The following RAB3C variants were observed in gnomAD, a reference collection of about 807,000 sequenced individuals.
The protein encoded by RAB3C is ras-related protein Rab-3C.
In RAB3C, 17 loss-of-function variants were observed where a neutral mutation model predicts 26.4. The ratio of observed to expected loss-of-function variants is 0.64; its 90% confidence interval spans 0.44 to 0.97. The LOEUF (loss-of-function observed/expected upper bound fraction) is 0.97, where lower values mean the gene tolerates loss of function less well. Ranked by LOEUF, RAB3C falls within the 50% of genes least tolerant of loss-of-function variation. The probability of loss-of-function intolerance (pLI) is 0.00; values close to 1 mark genes in which losing one functional copy is unlikely to be tolerated. For synonymous variants in RAB3C, 91 were observed against 95.9 expected, an observed-to-expected ratio of 0.95 and a Z score of 0.30; for missense variants, 242 against 281.9, an observed-to-expected ratio of 0.86 and a Z score of 1.01.
chr5:58,727,105 G>A (rs115251298), intron 3 of RAB3C, among the ~76,000 whole-genome samples: 1,767 of 137,460 alleles, frequency 0.013, 35 homozygotes, highest in African/African-American at 0.041. Flanking sequence ...ACAATACATA[G>A]GCAAAACAGA....
intron 2 of RAB3C, among the ~76,000 whole-genome samples, chr5:58,632,775 C>T (rs577413296): frequency 6.6e-6 from 1 of 152,300 alleles, no homozygotes; most frequent in Non-Finnish European, 1.5e-5. Flanking sequence ...CCCTTCTCTT[C>T]TTTCCCTACC....
At chr5:58,594,257 G>T (rs775024537) in intron 1 of RAB3C, among the ~76,000 whole-genome samples, 2 of 152,182 alleles carry the variant, frequency 1.3e-5, no homozygotes, top group Non-Finnish European at 2.9e-5. Context: ...TTACCAACTG[G>T]CAAATTATGA....
At chr5:58,752,433 T>A (rs944467982) in intron 3 of RAB3C, among the ~76,000 whole-genome samples, 1 of 150,110 alleles carries the variant, frequency 6.7e-6, no homozygotes, top group Non-Finnish European at 1.5e-5. Flanking sequence ...CAGAATAGAT[T>A]AAGAACTACA....
At chr5:58,614,161 T>C (rs1746773801) in intron 1 of RAB3C, among the ~76,000 whole-genome samples, 1 of 152,152 alleles carries the variant, frequency 6.6e-6, no homozygotes, top group Non-Finnish European at 1.5e-5. Flanking sequence ...TGAAATTTGA[T>C]GTTCCCCTTG....
In RAB3C at chr5:58,855,137, T is replaced by A. The variant is rs1744229789; in HGVS notation, c.*3786T>A. The stretch of plus-strand genomic sequence containing the variant: ...ATGTATCTTAGTGCATGGTTGAGGA[T>A]GTACTATGTGATATTTTAGTTAACA... On this transcript the variant is annotated 3_prime_UTR_variant, in exon 5 of 5. Transcript: ENST00000282878. 1 of 152,208 alleles carries A rather than the reference T, an allele frequency of 6.6e-6. No homozygotes were observed. Among genetic ancestry groups the A allele is most frequent in the Admixed American group, 6.5e-5 (1 of 15,276 alleles). 9.4% of individuals were successfully genotyped at this position (152,208 alleles called of 1,614,324 possible).
At chr5:58,728,817 C>T (rs1740942301) in intron 3 of RAB3C, among the ~76,000 whole-genome samples, 1 of 151,976 alleles carries the variant, frequency 6.6e-6, no homozygotes, top group South Asian at 2.1e-4. Flanking sequence ...GACAGTGCAA[C>T]CTCCAGGTAT....
rs952127163 is a variant in RAB3C at position 58,856,513 on chromosome 5, C to T, written c.*5162C>T. ...GACTCAAATTTCACCATTTACTTCC[C>T]ATCAGCAACCATTACTGGTGGAGTT... On this transcript the variant is annotated 3_prime_UTR_variant, in exon 5 of 5. Transcript: ENST00000282878. The T allele has an allele frequency of 6.6e-6, 1 of 152,150 alleles. No individual in the cohort carries two copies. The highest frequency in any genetic ancestry group is 1.5e-5 in the Non-Finnish European group (1 of 68,042). 9.4% of individuals were successfully genotyped at this position (152,150 alleles called of 1,614,324 possible).
chr5:58,739,645 C>G (rs945046262), intron 3 of RAB3C, among the ~76,000 whole-genome samples: 2 of 152,174 alleles, frequency 1.3e-5, no homozygotes, highest in Non-Finnish European at 2.9e-5. Flanking sequence ...TCATGTTAGA[C>G]AGAGCCCATA....
intron 2 of RAB3C, among the ~76,000 whole-genome samples, chr5:58,636,118 C>T (rs1424963526): frequency 1.3e-5 from 2 of 152,074 alleles, no homozygotes; most frequent in Non-Finnish European, 2.9e-5. Flanking sequence ...TATTTTGGCT[C>T]CACCCCAGCT....
chr5:58,691,832 C>T lies in RAB3C; in HGVS notation c.253-34170C>T, dbSNP rs537331665. Among the ~76,000 whole-genome samples the T allele has an allele frequency of 2.0e-4, 31 of 152,298 alleles. No individual in the cohort carries two copies. In the South Asian group the frequency reaches 5.2e-3, roughly 25 times the overall value. On this transcript the variant is annotated intron_variant, in intron 2 of 4. Coordinates refer to ENST00000282878, the MANE Select transcript of RAB3C (RefSeq NM_138453.4). ...CTGAAAAAACACACCAGATAAATCA[C>T]ATTTATACCATGATTCGATTAGTGT...
intron 3 of RAB3C, among the ~76,000 whole-genome samples, chr5:58,745,392 C>CA (rs1173604247): frequency 0.15 from 4,911 of 32,862 alleles, 777 homozygotes; most frequent in East Asian, 0.25. Context: ...GACTCTGCTT[C>CA]AAAAAAAAAA....
chr5:58,632,994 A>G (rs1165791981), intron 2 of RAB3C, among the ~76,000 whole-genome samples: 3 of 152,180 alleles, frequency 2.0e-5, no homozygotes, highest in Non-Finnish European at 2.9e-5. Flanking sequence ...GGGAGGTTCT[A>G]ATACTATCTC....
At chr5:58,793,002 T>A (rs1742563356) in intron 3 of RAB3C, among the ~76,000 whole-genome samples, 2 of 152,128 alleles carry the variant, frequency 1.3e-5, no homozygotes, top group South Asian at 4.1e-4. Context: ...TTTAGAGTGT[T>A]ATATTATTGT....
chr5:58,609,326 G>T (rs1373350972), intron 1 of RAB3C, among the ~76,000 whole-genome samples: 2 of 152,120 alleles, frequency 1.3e-5, no homozygotes, highest in Non-Finnish European at 2.9e-5. Context: ...AGCCCTAGCA[G>T]GTCCTCCAGT....
chr5:58,759,938 TACTAAAAATGAA>T (rs1278834821), intron 3 of RAB3C, among the ~76,000 whole-genome samples: 1 of 152,184 alleles, frequency 6.6e-6, no homozygotes, highest in African/African-American at 2.4e-5. Context: ...TGTTCTTCGT[TACTAAAAATGAA>T]ACTAAAAATG....
At chr5:58,710,797 G>A (rs552621518) in intron 2 of RAB3C, among the ~76,000 whole-genome samples, 3 of 152,042 alleles carry the variant, frequency 2.0e-5, no homozygotes, top group South Asian at 2.1e-4. Flanking sequence ...TCTCTATGGC[G>A]TACATGATGA....
At chr5:58,647,612 C>G (rs1293987241) in intron 2 of RAB3C, 2 of 152,182 alleles carry the variant, frequency 1.3e-5, no homozygotes, top group African/African-American at 2.4e-5. Flanking sequence ...ATCATTTTCT[C>G]TCTCCAAAAC....
rs367706997 is a variant in RAB3C, at chr5:58,831,548, G to A, written c.496+6386G>A. Reference sequence around the variant, plus strand: ...GAGATGATTACCACTAAATTGTACAGCAATTTTTCAGTACCTTTAGAGCAC... The same window carrying A: ...GAGATGATTACCACTAAATTGTACAACAATTTTTCAGTACCTTTAGAGCAC... On this transcript the variant is annotated intron_variant, in intron 4 of 4. Coordinates refer to ENST00000282878, the MANE Select transcript of RAB3C (RefSeq NM_138453.4). Among the ~76,000 whole-genome samples the A allele has an allele frequency of 2.6e-5, 4 of 152,244 alleles. No individual in the cohort carries two copies. In the East Asian group the frequency reaches 7.7e-4, roughly 29 times the overall value.
chr5:58,802,072 G>C (rs922550306), intron 3 of RAB3C, among the ~76,000 whole-genome samples: 2 of 151,940 alleles, frequency 1.3e-5, no homozygotes, highest in Non-Finnish European at 2.9e-5. Flanking sequence ...TGAATCATTA[G>C]AGTAATATAA....
Sources: allele counts gnomAD v4.1 joint callset (sites outside exome capture counted in the v4.1 genomes callset), GRCh38; gene constraint gnomAD v4.1.1; transcripts MANE v1.5; gene names NCBI Gene and HGNC (gene_info 2026-07-23, HGNC 2026-07-21).